The following CTNNA2 variants were observed in gnomAD, a reference collection of about 807,000 sequenced individuals.
CTNNA2 encodes catenin alpha-2.
In CTNNA2, 42 loss-of-function variants were observed where a neutral mutation model predicts 101.0. The ratio of observed to expected loss-of-function variants is 0.42; its 90% CI spans 0.32 to 0.54. The LOEUF (loss-of-function observed/expected upper bound fraction) is 0.54. Ranked by LOEUF, CTNNA2 falls within the 20% of genes least tolerant of loss-of-function variation. The pLI is 0.14. For synonymous variants in CTNNA2, 450 were observed against 456.4 expected, an observed-to-expected ratio of 0.99 and a Z score of 0.18; for missense variants, 871 against 1,223.1, an observed-to-expected ratio of 0.71 and a Z score of 4.29.
intron 8 of CTNNA2, 137 bp downstream of exon 8, chr2:80,393,428 C>G (rs1677710136): frequency 3.2e-6 from 2 of 625,368 alleles, no homozygotes; most frequent in Admixed American, 6.7e-5. Flanking sequence ...AATAAAAACC[C>G]CATTTTATCG....
chr2:80,132,276 C>G (rs1401682351), intron 7 of CTNNA2, among the ~76,000 whole-genome samples: 2 of 152,076 alleles, frequency 1.3e-5, no homozygotes, highest in Admixed American at 1.3e-4. Flanking sequence ...CTTGGGCTGT[C>G]CTTGCATGCA....
chr2:80,521,654 G>A (rs1441342417), intron 9 of CTNNA2, among the ~76,000 whole-genome samples: 3 of 152,126 alleles, frequency 2.0e-5, no homozygotes, highest in Admixed American at 2.0e-4. Context: ...AAGGAGCTAG[G>A]AGCCAATGGG....
chr2:80,079,828 TAAATAAAATAAAATAAAATA>T (rs61063068), intron 7 of CTNNA2, among the ~76,000 whole-genome samples: 27,031 of 120,020 alleles, frequency 0.23, 3,290 homozygotes, highest in East Asian at 0.48. Context: ...TAAAATAAAA[TAAATAAAATAAAATAAAATA>T]AAATAAAATA....
At chr2:80,258,795 T>C (rs911787056) in intron 7 of CTNNA2, among the ~76,000 whole-genome samples, 1 of 152,060 alleles carries the variant, frequency 6.6e-6, no homozygotes, top group African/African-American at 2.4e-5. Context: ...CCTGGATTCC[T>C]CTACTGGACA....
At chr2:80,449,790 G>A (rs1453312103) in intron 9 of CTNNA2, among the ~76,000 whole-genome samples, 4 of 152,148 alleles carry the variant, frequency 2.6e-5, no homozygotes, top group Non-Finnish European at 4.4e-5. Context: ...GTGCCTTTCT[G>A]TAGCTCACAC....
At chr2:79,968,215 A>C in intron 7 of CTNNA2, among the ~76,000 whole-genome samples, 1 of 81,496 alleles carries the variant, frequency 1.2e-5, no homozygotes, top group East Asian at 5.1e-4. Flanking sequence ...TACTTCAATA[A>C]AAAAAAAACA....
At chr2:79,944,973 G>T (rs926587394) in intron 7 of CTNNA2, among the ~76,000 whole-genome samples, 7 of 152,174 alleles carry the variant, frequency 4.6e-5, no homozygotes, top group Admixed American at 4.6e-4. Context: ...GGGCAAAAAT[G>T]AGAGTACTTA....
chr2:80,215,855 C>G (rs1708234592), intron 7 of CTNNA2, among the ~76,000 whole-genome samples: 1 of 152,204 alleles, frequency 6.6e-6, no homozygotes, highest in Non-Finnish European at 1.5e-5. Context: ...GCCCTGCCCC[C>G]AGAGGTGGAG....
chr2:80,225,492 G>GT (rs1708831346), intron 7 of CTNNA2, among the ~76,000 whole-genome samples: 2 of 152,260 alleles, frequency 1.3e-5, no homozygotes, highest in South Asian at 4.1e-4. Flanking sequence ...TTTATGGTAA[G>GT]TGGTTTAAGA....
At chr2:79,626,010 G>A (rs1351489733) in intron 1 of CTNNA2, among the ~76,000 whole-genome samples, 1 of 152,136 alleles carries the variant, frequency 6.6e-6, no homozygotes, top group Admixed American at 6.5e-5. Context: ...GGGAATGAGG[G>A]AATGGGTGGT....
chr2:79,836,715 CTG>C (rs1257911690), intron 3 of CTNNA2, among the ~76,000 whole-genome samples: 1 of 152,128 alleles, frequency 6.6e-6, no homozygotes, highest in African/African-American at 2.4e-5. Context: ...ATCTCTGACT[CTG>C]TTGTCATATG....
chr2:79,456,451 A>C (rs1228370607), intron 4 of CTNNA2, among the ~76,000 whole-genome samples: 1 of 152,126 alleles, frequency 6.6e-6, no homozygotes, highest in Non-Finnish European at 1.5e-5. Flanking sequence ...ACAATTCCAA[A>C]TCTATTAAAG....
intron 4 of CTNNA2, among the ~76,000 whole-genome samples, chr2:79,471,281 TA>T (rs1670995549): frequency 6.6e-6 from 1 of 152,190 alleles, no homozygotes; most frequent in African/African-American, 2.4e-5. Flanking sequence ...GAGATGCTAT[TA>T]AAAATACTAT....
intron 6 of CTNNA2, among the ~76,000 whole-genome samples, chr2:79,895,810 A>C (rs1684674303): frequency 6.6e-6 from 1 of 151,524 alleles, no homozygotes; most frequent in African/African-American, 2.4e-5. Context: ...CCACCGACTT[A>C]AAAATGTAAA....
chr2:79,571,930 T>G (rs751630053), intron 1 of CTNNA2, among the ~76,000 whole-genome samples: 1 of 152,172 alleles, frequency 6.6e-6, no homozygotes, highest in Non-Finnish European at 1.5e-5. Context: ...TCCTTCTTTT[T>G]GGTAGCTGCC....
At chr2:80,415,857 C>T (rs974818399) in intron 8 of CTNNA2, among the ~76,000 whole-genome samples, 22 of 152,000 alleles carry the variant, frequency 1.4e-4, no homozygotes, top group Non-Finnish European at 2.9e-4. Context: ...ATATTATTAA[C>T]CATATAAAAA....
chr2:80,644,638 C>A (rs1400750901), intron 18 of CTNNA2, among the ~76,000 whole-genome samples: 1 of 152,052 alleles, frequency 6.6e-6, no homozygotes, highest in East Asian at 1.9e-4. Context: ...CAGAAAAGGG[C>A]AAAATGTAAC....
At chr2:80,631,311 G>A (rs927060149) in intron 18 of CTNNA2, among the ~76,000 whole-genome samples, 8 of 149,820 alleles carry the variant, frequency 5.3e-5, no homozygotes, top group African/African-American at 2.0e-4. Flanking sequence ...TTTTTTCAAA[G>A]AAGTTTTCCA....
At chr2:79,626,224 G>A (rs1219533343) in intron 1 of CTNNA2, among the ~76,000 whole-genome samples, 1 of 152,168 alleles carries the variant, frequency 6.6e-6, no homozygotes, top group African/African-American at 2.4e-5. Context: ...TATCAACTGT[G>A]ATACAATGTG....
Sources: gnomAD v4.1 joint callset for allele counts (sites outside exome capture counted in the v4.1 genomes callset) on GRCh38, gnomAD v4.1.1 for gene constraint, MANE v1.5 for transcripts, NCBI Gene and HGNC (gene_info 2026-07-23, HGNC 2026-07-21) for gene names.